ZNF423: variants seen among roughly 807,000 people sequenced by gnomAD.
ZNF423 encodes the protein zinc finger protein 423, also known as Ebf-associated zinc finger protein.
A neutral mutation model predicts 95.8 loss-of-function variants in ZNF423; 12 were observed. The ratio of observed to expected loss-of-function variants is 0.13; its 90% CI spans 0.08 to 0.20. The LOEUF is 0.20. Ranked by LOEUF, ZNF423 falls within the 10% of genes least tolerant of loss-of-function variation. ZNF423 has a pLI of 1.00. For synonymous variants in ZNF423, 749 were observed against 711.9 expected (o/e 1.05, Z -0.83); for missense variants, 1,316 against 1,737.1 (o/e 0.76, Z 4.31).
At chr16:49,850,758 T>G (rs953125157) in intron 1 of ZNF423, among the ~76,000 whole-genome samples, 1 of 152,210 alleles carries the variant, frequency 6.6e-6, no homozygotes, top group Non-Finnish European at 1.5e-5. Context: ...ATGTCAGAAG[T>G]TGTTGACACT....
intron 1 of ZNF423, among the ~76,000 whole-genome samples, chr16:49,824,675 A>C (rs901307786): frequency 6.6e-6 from 1 of 152,140 alleles, no homozygotes; most frequent in African/African-American, 2.4e-5. Context: ...CCCATCTCCA[A>C]GCCTTTCTAA....
chr16:49,574,816 T>C (rs1193813794), intron 5 of ZNF423, among the ~76,000 whole-genome samples: 1 of 152,250 alleles, frequency 6.6e-6, no homozygotes, highest in Non-Finnish European at 1.5e-5. Flanking sequence ...TGCCTGCCCC[T>C]GCTGCCCTCA....
chr16:49,492,274 G>C lies in ZNF423; in HGVS notation c.3850-970C>G, dbSNP rs1967000073. On this transcript the variant is annotated intron_variant, in intron 7 of 7. Transcript: ENST00000563137. The surrounding 1 kb of genome is among the most constrained non-coding windows in gnomAD (Gnocchi z 4.2). Reference sequence around the variant, plus strand: ...GGAGAAAGGAGGCAACATCCACCAGGTGTAGGGTGGCCCTGTTTGGGGCCG... The same window carrying C: ...GGAGAAAGGAGGCAACATCCACCAGCTGTAGGGTGGCCCTGTTTGGGGCCG... Among the ~76,000 whole-genome samples the C allele has an allele frequency of 6.6e-6, 1 of 151,612 alleles. No homozygotes were observed. The highest frequency in any genetic ancestry group is 2.4e-5 in the African/African-American group (1 of 41,070).
At chr16:49,673,328 C>G (rs140156808) in intron 3 of ZNF423, among the ~76,000 whole-genome samples, 1 of 152,210 alleles carries the variant, frequency 6.6e-6, no homozygotes, top group African/African-American at 2.4e-5. Context: ...AATTTTTTCA[C>G]CCACTGGGAA....
upstream of ZNF423, among the ~76,000 whole-genome samples, chr16:49,858,417 G>A (rs1488248410): frequency 6.8e-6 from 1 of 147,382 alleles, no homozygotes; most frequent in Admixed American, 6.7e-5. This position sits in a 1 kb window ranked among gnomAD's most constrained non-coding sequence, Gnocchi z 4.3. Flanking sequence ...TGGGGAGCGC[G>A]AGCTGGAGGA....
chr16:49,834,631 C>T (rs2035097028), intron 1 of ZNF423, among the ~76,000 whole-genome samples: 1 of 152,174 alleles, frequency 6.6e-6, no homozygotes, highest in Non-Finnish European at 1.5e-5. Context: ...GAGCCTGGTC[C>T]TGGCAGGGCT....
chr16:49,801,462 CTGGAA>C lies in ZNF423; in HGVS notation c.41-11921_41-11917del, dbSNP rs139646414. On this transcript the variant is annotated intron_variant, in intron 1 of 7. Transcript: ENST00000563137. The stretch of plus-strand genomic sequence containing the variant: ...AACCCGGCATTCTAGCTTTCAGGCC[CTGGAA>C]TACTCCTGGACAATGCTGCCCACCT... Among the ~76,000 whole-genome samples, 496 of 152,346 alleles carry C rather than the reference CTGGAA, an allele frequency of 3.3e-3. 6 individuals carry two copies. Among genetic ancestry groups the C allele is most frequent in the African/African-American group, 0.011 (446 of 41,582 alleles).
intron 3 of ZNF423, among the ~76,000 whole-genome samples, chr16:49,716,429 G>A (rs2032708479): frequency 6.6e-6 from 1 of 152,112 alleles, no homozygotes; most frequent in Non-Finnish European, 1.5e-5. Flanking sequence ...CCCACCTGCA[G>A]AGCCACCTCG....
chr16:49,498,961 T>C (rs1222176928), intron 7 of ZNF423, among the ~76,000 whole-genome samples: 1 of 152,172 alleles, frequency 6.6e-6, no homozygotes, highest in African/African-American at 2.4e-5. Flanking sequence ...AGCTAATGCA[T>C]GTCATTAAAA....
intron 1 of ZNF423, chr16:49,853,607 C>T (rs2035325605): frequency 1.0e-6 from 1 of 984,594 alleles, no homozygotes; most frequent in African/African-American, 1.7e-5. Context: ...ACCTTGCTGC[C>T]TTTCTCCTAC....
intron 3 of ZNF423, among the ~76,000 whole-genome samples, chr16:49,713,840 A>G (rs1596904276): frequency 6.6e-6 from 1 of 152,344 alleles, no homozygotes; most frequent in Middle Eastern, 3.4e-3. Context: ...TCAGACACGC[A>G]GGCCCAGAGA....
chr16:49,631,889 G>A (rs890131015), intron 4 of ZNF423, among the ~76,000 whole-genome samples: 17 of 152,214 alleles, frequency 1.1e-4, no homozygotes, highest in Admixed American at 2.0e-4. Flanking sequence ...CTTGGTCAGA[G>A]CCTCTTGCTG....
chr16:49,563,249 C>G (rs1970076499), intron 5 of ZNF423, among the ~76,000 whole-genome samples: 1 of 152,072 alleles, frequency 6.6e-6, no homozygotes, highest in Non-Finnish European at 1.5e-5. Context: ...TCTGTTAGTT[C>G]CCATAGAGCT....
chr16:49,812,985 G>A (rs1380253303), intron 1 of ZNF423, among the ~76,000 whole-genome samples: 2 of 152,106 alleles, frequency 1.3e-5, no homozygotes, highest in Non-Finnish European at 1.5e-5. Flanking sequence ...AAAAGTGTGT[G>A]TGTGTTCTAC....
chr16:49,844,242 A>G (rs549973413), intron 1 of ZNF423, among the ~76,000 whole-genome samples: 1 of 152,346 alleles, frequency 6.6e-6, no homozygotes, highest in African/African-American at 2.4e-5. Flanking sequence ...TGATAACATC[A>G]ATGTACTCCA....
In ZNF423 at chr16:49,488,583, A is replaced by T. The variant is rs570366699; in HGVS notation, c.*2692T>A. 1 of 152,312 alleles carries T rather than the reference A, an allele frequency of 6.6e-6. No homozygotes were observed. Among genetic ancestry groups the T allele is most frequent in the East Asian group, 1.9e-4 (1 of 5,168 alleles). 9.4% of individuals were successfully genotyped at this position (152,312 alleles called of 1,614,324 possible). ...GCCCTCCTGCAGGATGCCTGGCACC[A>T]TCATTGATGACCATGCTGCTTACAG... is the stretch of plus-strand genomic sequence containing the variant. On this transcript the variant is annotated 3_prime_UTR_variant, in exon 8 of 8. Transcript: ENST00000563137.
intron 7 of ZNF423, among the ~76,000 whole-genome samples, chr16:49,510,831 C>T (rs1297112246): frequency 3.9e-5 from 6 of 152,204 alleles, no homozygotes; most frequent in South Asian, 4.1e-4. Context: ...GAGGCAGCGC[C>T]GGGGAGGGGT....
Position 49,537,311 on chromosome 16 carries a change from T to G in ZNF423, c.3602-11817A>C, listed in dbSNP as rs1054340721. 6.6e-5 allele frequency among the ~76,000 whole-genome samples: 10 copies of G among 152,322 alleles called. 1 individual carries two copies. The highest frequency in any genetic ancestry group is 5.9e-4 in the Admixed American group (9 of 15,302). ...CGGCCACAGCACTACTGAGTTGCCT[T>G]TTAAGCCGGCTGAGCCCTGTGGCTC... On this transcript the variant is annotated intron_variant, in intron 5 of 7. Transcript: ENST00000563137.
At chr16:49,537,586 G>A (rs1969097909) in intron 5 of ZNF423, among the ~76,000 whole-genome samples, 1 of 152,200 alleles carries the variant, frequency 6.6e-6, no homozygotes, top group South Asian at 2.1e-4. Context: ...CTCTGGGGAA[G>A]CGGGTCTTTC....
Sources: gnomAD v4.1 joint callset for allele counts (sites outside exome capture counted in the v4.1 genomes callset) on GRCh38, gnomAD v4.1.1 for gene constraint, Gnocchi (gnomAD v3.1) non-coding constraint, MANE v1.5 for transcripts, NCBI Gene and HGNC (gene_info 2026-07-23, HGNC 2026-07-21) for gene names.